SEC23A: variants seen among roughly 807,000 people sequenced by gnomAD.
SEC23A encodes protein transport protein Sec23A.
SEC23A carries 56 observed loss-of-function variants against 103.7 expected under a neutral mutation model. The ratio of observed to expected loss-of-function variants is 0.54; its 90% confidence interval spans 0.44 to 0.67. The LOEUF is 0.67. Among genes scored for constraint, SEC23A ranks in the 30% least tolerant of loss-of-function variants. The pLI is 0.00. For synonymous variants in SEC23A, 281 were observed against 293.0 expected, an observed-to-expected ratio of 0.96 and a Z score of 0.42; for missense variants, 784 against 936.4, an observed-to-expected ratio of 0.84 and a Z score of 2.12.
chr14:39,093,127 A>C (rs1312264604), intron 3 of SEC23A, 60 bp downstream of exon 3: 2 of 1,426,298 alleles, frequency 1.4e-6, no homozygotes, highest in African/African-American at 1.4e-5. Flanking sequence ...TCGGCCTCCC[A>C]AAGTGCTGGG....
intron 17 of SEC23A, chr14:39,041,457 T>TTG (rs1555326060): frequency 4.2e-5 from 6 of 143,692 alleles, no homozygotes; most frequent in East Asian, 2.0e-4. Flanking sequence ...TTACAGGTTT[T>TTG]TTTTTTTTTT....
rs750853379 is a variant in SEC23A at position 39,059,278 on chromosome 14, TAAAAAAAAAAAAAAA to T, written c.1505+2472_1505+2486del. 9.0e-4 allele frequency among the ~76,000 whole-genome samples: 65 copies of T among 71,836 alleles called. 1 individual carries two copies. The highest frequency in any genetic ancestry group is 2.6e-3 in the Admixed American group (12 of 4,596). 47.1% of individuals were successfully genotyped at this position (71,836 alleles called of 152,430 possible). A position where few individuals can be genotyped will look rare whatever the true frequency, so the allele number is the denominator to read the frequency against. On this transcript the variant is annotated intron_variant, in intron 13 of 19. Coordinates refer to ENST00000307712, the MANE Select transcript of SEC23A (RefSeq NM_006364.4). ...GGCCCCTAAAGTCATAGTCCTAGTT[TAAAAAAAAAAAAAAA>T]AAAAAAAAAAAAAAAAACAACAAGG... is the stretch of plus-strand genomic sequence containing the variant.
At chr14:39,093,766 T>C (rs1054240584) in intron 2 of SEC23A, among the ~76,000 whole-genome samples, 3 of 152,140 alleles carry the variant, frequency 2.0e-5, no homozygotes, top group African/African-American at 4.8e-5. Flanking sequence ...CTCAAAAATA[T>C]ATATATGCAC....
At chr14:39,092,824 G>C (rs1006841052) in intron 3 of SEC23A, 197 bp from the exon 4 acceptor site, 2 of 551,626 alleles carry the variant, frequency 3.6e-6, no homozygotes, top group Non-Finnish European at 6.4e-6. Context: ...CATCTGCAAT[G>C]GATGTTTTAT....
At chr14:39,039,936 T>A (rs1316195156) in intron 18 of SEC23A, 1 of 152,192 alleles carries the variant, frequency 6.6e-6, no homozygotes, top group Non-Finnish European at 1.5e-5. Context: ...ATGAAATAAC[T>A]CTCATATAAA....
At chr14:39,066,912 A>G (rs1385414787) in intron 10 of SEC23A, among the ~76,000 whole-genome samples, 2 of 152,152 alleles carry the variant, frequency 1.3e-5, no homozygotes, top group African/African-American at 4.8e-5. Context: ...CTATATAAAG[A>G]AAAAAATTAA....
intron 13 of SEC23A, among the ~76,000 whole-genome samples, chr14:39,056,331 C>G (rs1886248108): frequency 6.6e-6 from 1 of 152,228 alleles, no homozygotes; most frequent in African/African-American, 2.4e-5. Context: ...GGGGGTTTCA[C>G]CATGTTCACT....
At chr14:39,042,475 T>C (rs1885679291) in intron 17 of SEC23A, among the ~76,000 whole-genome samples, 2 of 152,102 alleles carry the variant, frequency 1.3e-5, no homozygotes, top group African/African-American at 4.8e-5. Context: ...GGCTGACTTT[T>C]CCCCCCTTAA....
intron 1 of SEC23A, among the ~76,000 whole-genome samples, chr14:39,099,654 T>C (rs1055004470): frequency 6.6e-6 from 1 of 152,104 alleles, no homozygotes; most frequent in Non-Finnish European, 1.5e-5. Context: ...GATATGAAAA[T>C]ATCACACATG....
intron 5 of SEC23A, among the ~76,000 whole-genome samples, chr14:39,090,257 C>G (rs899987507): frequency 3.9e-5 from 6 of 152,118 alleles, no homozygotes; most frequent in Admixed American, 3.3e-4. Context: ...ATGTTCTCAA[C>G]TAGGAGTTGC....
intron 7 of SEC23A, among the ~76,000 whole-genome samples, chr14:39,079,500 G>C (rs979671378): frequency 6.6e-6 from 1 of 152,016 alleles, no homozygotes; most frequent in South Asian, 2.1e-4. Context: ...GAATGTAAAC[G>C]ATATAAACTT....
At chr14:39,041,408 G>GAAAAAAAAAA (rs1885631519) in intron 17 of SEC23A, 1 of 8,818 alleles carries the variant, frequency 1.1e-4, no homozygotes, top group Non-Finnish European at 2.1e-4. Flanking sequence ...CAAAGAAAAA[G>GAAAAAAAAAA]CAAAAAAAAA....
chr14:39,073,906 C>G (rs1440329003), intron 9 of SEC23A, among the ~76,000 whole-genome samples: 1 of 152,094 alleles, frequency 6.6e-6, no homozygotes, highest in Non-Finnish European at 1.5e-5. Flanking sequence ...CCACACCCAG[C>G]CTCTGATTTC....
rs573409053 is a variant in SEC23A at position 39,034,151 on chromosome 14, T to A, written c.2209-823A>T. Among the ~76,000 whole-genome samples the A allele has an allele frequency of 3.6e-4, 55 of 152,310 alleles. No homozygotes were observed. In the South Asian group the frequency reaches 0.011, roughly 30 times the overall value. On this transcript the variant is annotated intron_variant, in intron 19 of 19. Coordinates refer to ENST00000307712, the MANE Select transcript of SEC23A (RefSeq NM_006364.4). Reference sequence around the variant, plus strand: ...GTTTATTCAAAAGAACTTGAAAGATTTGATAATGAAGGGAGGCAATCCCTT... The same window carrying A: ...GTTTATTCAAAAGAACTTGAAAGATATGATAATGAAGGGAGGCAATCCCTT...
At chr14:39,035,007 T>C (rs1179301835) in intron 19 of SEC23A, among the ~76,000 whole-genome samples, 1 of 152,222 alleles carries the variant, frequency 6.6e-6, no homozygotes, top group South Asian at 2.1e-4. Context: ...GTTACTGTTA[T>C]TTCCTTTAAA....
At chr14:39,054,616 C>A (rs917298076) in intron 14 of SEC23A, among the ~76,000 whole-genome samples, 1 of 152,010 alleles carries the variant, frequency 6.6e-6, no homozygotes, top group African/African-American at 2.4e-5. Flanking sequence ...GGACTACAGG[C>A]ACACAGTACC....
chr14:39,092,126 G>A (rs79139154), intron 4 of SEC23A, among the ~76,000 whole-genome samples: 3,449 of 152,264 alleles, frequency 0.023, 150 homozygotes, highest in African/African-American at 0.076. Flanking sequence ...AGTAAAACAT[G>A]TAAACAACTA....
At chr14:39,074,360 G>A (rs1226397530) in intron 9 of SEC23A, 55 bp downstream of exon 9, 2 of 1,128,798 alleles carry the variant, frequency 1.8e-6, no homozygotes, top group Admixed American at 1.7e-5. Flanking sequence ...GTTTATATCA[G>A]TAAATGTCAT....
chr14:39,067,113 A>G, intron 10 of SEC23A, 60 bp downstream of exon 10: 1 of 1,594,460 alleles, frequency 6.3e-7, no homozygotes, highest in Non-Finnish European at 8.6e-7. Context: ...TTAGAATTAC[A>G]CTCAAGCCTA....
Sources: gnomAD v4.1 joint callset for allele counts (sites outside exome capture counted in the v4.1 genomes callset) on GRCh38, gnomAD v4.1.1 for gene constraint, MANE v1.5 for transcripts, NCBI Gene and HGNC (gene_info 2026-07-23, HGNC 2026-07-21) for gene names.